PPFIBP1: variants seen among roughly 807,000 people sequenced by gnomAD.
The protein encoded by PPFIBP1 is PPFIB scaffold protein 1, also known as liprin-beta-1.
In PPFIBP1, 112 loss-of-function variants were observed where a neutral mutation model predicts 137.8. The ratio of observed to expected loss-of-function variants is 0.81; its 90% CI spans 0.70 to 0.95. The LOEUF (loss-of-function observed/expected upper bound fraction) is 0.95, where lower values mean the gene tolerates loss of function less well. PPFIBP1 is among the 40% of genes least tolerant of loss of function. The probability of loss-of-function intolerance (pLI) is 0.00; values close to 1 mark genes in which losing one functional copy is unlikely to be tolerated. For missense variants in PPFIBP1, 1,083 were observed against 1,196.6 expected (o/e 0.91, Z 1.40); for synonymous variants, 378 against 417.3 (o/e 0.91, Z 1.15).
At chr12:27,675,220 T>A (rs760331878) in intron 17 of PPFIBP1, among the ~76,000 whole-genome samples, 2 of 152,196 alleles carry the variant, frequency 1.3e-5, no homozygotes, top group Non-Finnish European at 2.9e-5. Flanking sequence ...TCTTGACTGT[T>A]GGCTCTTAGT....
intron 4 of PPFIBP1, among the ~76,000 whole-genome samples, chr12:27,640,835 C>T (rs574968001): frequency 6.1e-4 from 93 of 152,182 alleles, no homozygotes; most frequent in African/African-American, 2.2e-3. Context: ...CCTCATAGTT[C>T]AGAGTCTAGT....
At position 27,674,560 on chromosome 12, in the gene PPFIBP1, C is replaced by A. The variant is rs114873540; in HGVS notation, c.1410+339C>A. Among the ~76,000 whole-genome samples, 1,485 of 152,264 alleles carry A rather than the reference C, an allele frequency of 9.8e-3. 30 individuals are homozygous for A. Among genetic ancestry groups the A allele is most frequent in the African/African-American group, 0.034 (1,403 of 41,554 alleles). ...GCACAACATCGTAACATACTAAATGCCACTGAATTGTGCACTTTAAAATTG... is the reference window on the plus strand; with the variant it reads ...GCACAACATCGTAACATACTAAATGACACTGAATTGTGCACTTTAAAATTG... On this transcript the variant is annotated intron_variant, in intron 17 of 29. Transcript: ENST00000228425.
intron 27 of PPFIBP1, among the ~76,000 whole-genome samples, chr12:27,690,310 T>C (rs1044358562): frequency 6.6e-6 from 1 of 152,196 alleles, no homozygotes; most frequent in Non-Finnish European, 1.5e-5. Context: ...GAACTAATGC[T>C]CTGTGTATAC....
chr12:27,575,880 G>A (rs1366043036), intron 1 of PPFIBP1, among the ~76,000 whole-genome samples: 2 of 152,214 alleles, frequency 1.3e-5, no homozygotes, highest in Non-Finnish European at 2.9e-5. Flanking sequence ...CTGAGGAAAT[G>A]ACTAAAGTCT....
chr12:27,558,634 C>G (rs2048907891), intron 1 of PPFIBP1, among the ~76,000 whole-genome samples: 1 of 151,424 alleles, frequency 6.6e-6, no homozygotes, highest in Non-Finnish European at 1.5e-5. Context: ...CAAACATACA[C>G]ACACGCTGCC....
intron 2 of PPFIBP1, chr12:27,592,592 A>G (rs1211437227): frequency 9.0e-6 from 14 of 1,562,482 alleles, no homozygotes; most frequent in African/African-American, 1.4e-5. Flanking sequence ...AGCAGAGGGG[A>G]GAGGATATGC....
chr12:27,556,290 C>G (rs1215195905), intron 1 of PPFIBP1, among the ~76,000 whole-genome samples: 1 of 152,244 alleles, frequency 6.6e-6, no homozygotes, highest in African/African-American at 2.4e-5. Flanking sequence ...GTTAATGAAA[C>G]ACATAAATAT....
At chr12:27,595,884 AAAATATAT>A (rs2053194135) in intron 2 of PPFIBP1, among the ~76,000 whole-genome samples, 7 of 55,600 alleles carry the variant, frequency 1.3e-4, no homozygotes, top group East Asian at 4.7e-4. Flanking sequence ...CAACAACAAC[AAAATATAT>A]ATATATATAT....
chr12:27,624,274 C>A (rs906454772), intron 2 of PPFIBP1, among the ~76,000 whole-genome samples: 1 of 152,210 alleles, frequency 6.6e-6, no homozygotes, highest in Non-Finnish European at 1.5e-5. Context: ...ACTCAAATCT[C>A]ACTTATTCAG....
intron 1 of PPFIBP1, among the ~76,000 whole-genome samples, chr12:27,524,885 A>T (rs1943549768): frequency 6.6e-6 from 1 of 152,164 alleles, no homozygotes; most frequent in African/African-American, 2.4e-5. Context: ...AGGATGTGAG[A>T]AATTCACTTG....
chr12:27,608,118 A>C (rs1318852361), intron 2 of PPFIBP1, among the ~76,000 whole-genome samples: 1 of 152,214 alleles, frequency 6.6e-6, no homozygotes, highest in Non-Finnish European at 1.5e-5. Flanking sequence ...GAGGATATCA[A>C]GTACTAGTAT....
intron 2 of PPFIBP1, among the ~76,000 whole-genome samples, chr12:27,582,185 C>T (rs1032073024): frequency 6.6e-6 from 1 of 151,994 alleles, no homozygotes; most frequent in African/African-American, 2.4e-5. Context: ...AGAGTTTGCA[C>T]ATTTAGCAAA....
chr12:27,612,328 GTTTTT>G (rs1173958726), intron 2 of PPFIBP1, among the ~76,000 whole-genome samples: 1 of 87,234 alleles, frequency 1.1e-5, no homozygotes. Flanking sequence ...CTTTATTGGT[GTTTTT>G]TTTTTTTTTT....
intron 1 of PPFIBP1, among the ~76,000 whole-genome samples, chr12:27,560,777 C>T (rs2049094542): frequency 6.6e-6 from 1 of 152,208 alleles, no homozygotes; most frequent in African/African-American, 2.4e-5. Flanking sequence ...GAGGTTTATC[C>T]TTGTGATCCT....
chr12:27,643,452 T>C (rs12369763), intron 4 of PPFIBP1, among the ~76,000 whole-genome samples: 42,273 of 120,940 alleles, frequency 0.35, 8,950 homozygotes, highest in Admixed American at 0.4. Flanking sequence ...AAGGTTCATG[T>C]AGATACTGTC....
Position 27,660,964 on chromosome 12 carries a change from A to T in PPFIBP1, c.906+19A>T. On this transcript the variant is annotated intron_variant, in intron 11 of 29. Transcript: ENST00000228425. ...AGAAAAGGTATCCAGATGAAATTTAAATATACGTGTGGATGTTTTTTAACA... is the reference window on the plus strand; with the variant it reads ...AGAAAAGGTATCCAGATGAAATTTATATATACGTGTGGATGTTTTTTAACA... The T allele has an allele frequency of 6.2e-7, 1 of 1,611,890 alleles. No individual in the cohort carries two copies. The highest frequency in any genetic ancestry group is 8.5e-7 in the Non-Finnish European group (1 of 1,179,226).
intron 1 of PPFIBP1, among the ~76,000 whole-genome samples, chr12:27,562,951 T>C (rs988633265): frequency 2.0e-5 from 3 of 152,080 alleles, no homozygotes; most frequent in Non-Finnish European, 4.4e-5. Context: ...AGAATATAAA[T>C]GGATATTGTG....
At chr12:27,569,657 C>G (rs1351454700) in intron 1 of PPFIBP1, among the ~76,000 whole-genome samples, 2 of 151,966 alleles carry the variant, frequency 1.3e-5, no homozygotes, top group Non-Finnish European at 2.9e-5. Context: ...CCAGGGGGTT[C>G]AAGCAATTCT....
At chr12:27,612,707 G>A (rs1251969508) in intron 2 of PPFIBP1, among the ~76,000 whole-genome samples, 5 of 152,016 alleles carry the variant, frequency 3.3e-5, no homozygotes, top group Non-Finnish European at 7.4e-5. Flanking sequence ...ATGTGCTAAT[G>A]TGACTGCTAT....
Sources: allele counts gnomAD v4.1 joint callset (sites outside exome capture counted in the v4.1 genomes callset), GRCh38; gene constraint gnomAD v4.1.1; transcripts MANE v1.5; gene names NCBI Gene and HGNC (gene_info 2026-07-23, HGNC 2026-07-21).